PPP2R1A: variants seen among roughly 807,000 people sequenced by gnomAD.
PPP2R1A encodes serine/threonine-protein phosphatase 2A 65 kDa regulatory subunit A alpha isoform.
In PPP2R1A, 15 loss-of-function variants were observed where a neutral mutation model predicts 67.1. The observed-to-expected ratio is 0.22, with a 90% CI of 0.15 to 0.34. PPP2R1A has a LOEUF of 0.34. PPP2R1A is among the 10% of genes least tolerant of loss of function. The pLI is 1.00. For missense variants in PPP2R1A, 369 were observed against 775.0 expected, an observed-to-expected ratio of 0.48 and a Z score of 6.22; for synonymous variants, 337 against 325.0, an observed-to-expected ratio of 1.04 and a Z score of -0.40.
In PPP2R1A at chr19:52,226,926, CT is replaced by C. The variant is rs1979301117; in HGVS notation, c.*946del. 6.6e-6 allele frequency: 1 copy of C among 152,188 alleles called. No homozygotes were observed. The highest frequency in any genetic ancestry group is 6.5e-5 in the Admixed American group (1 of 15,284). 9.4% of individuals were successfully genotyped at this position (152,188 alleles called of 1,614,324 possible). ...TAGCTGTACATTGCCAGAGAACCCC[CT>C]GTGGGCCATTTCCTGTGTTCTTGAA... On this transcript the variant is annotated 3_prime_UTR_variant, in exon 15 of 15. Transcript: ENST00000322088.
intron 3 of PPP2R1A, among the ~76,000 whole-genome samples, chr19:52,209,728 T>G (rs751515913): frequency 2.6e-5 from 4 of 152,186 alleles, no homozygotes; most frequent in Non-Finnish European, 5.9e-5. Context: ...CTGTTCTAGA[T>G]TCCTCATATA....
Position 52,219,834 on chromosome 19 carries a change from T to A in PPP2R1A, c.1272T>A (p.Ile424=), listed in dbSNP as rs1200174357. ...AGTGGCGGGTGCGGCTGGCCATCAT[T>A]GAGTACATGCCCCTCCTGGCTGGAC... ...DAKWRVRLAI[I]EYMPLLAGQL... Residue 424 remains isoleucine (I), a synonymous_variant, in exon 10 of 15, where the codon ATT becomes ATA. Coordinates refer to ENST00000322088, the MANE Select transcript of PPP2R1A (RefSeq NM_014225.6). The surrounding 1 kb of genome is among the most constrained non-coding windows in gnomAD (Gnocchi z 4.0). 6.2e-7 allele frequency: 1 copy of A among 1,612,514 alleles called. No homozygotes were observed. Among genetic ancestry groups the A allele is most frequent in the Admixed American group, 1.7e-5 (1 of 60,004 alleles).
chr19:52,210,696 A>G (rs1166784343), intron 3 of PPP2R1A, among the ~76,000 whole-genome samples: 1 of 151,728 alleles, frequency 6.6e-6, no homozygotes, highest in Non-Finnish European at 1.5e-5. Context: ...GTTTCACCAT[A>G]TTGGCCAGGC....
intron 1 of PPP2R1A, among the ~76,000 whole-genome samples, chr19:52,196,208 A>G (rs1488658994): frequency 6.6e-6 from 1 of 152,230 alleles, no homozygotes; most frequent in African/African-American, 2.4e-5. Context: ...TTCTCAGGAT[A>G]TGACATGATC....
rs577207636 is a variant in PPP2R1A, at chr19:52,223,226, G to A, written c.1661+985G>A. Among the ~76,000 whole-genome samples the A allele has an allele frequency of 6.8e-4, 104 of 152,274 alleles. 1 individual carries two copies. The highest frequency in any genetic ancestry group is 1.0e-3 in the South Asian group (5 of 4,828). ...ATTTGATATCCATTTAGGAATAAAAGAAGGCTCGCCTCAATGCATAAACAA... is the reference window on the plus strand; with the variant it reads ...ATTTGATATCCATTTAGGAATAAAAAAAGGCTCGCCTCAATGCATAAACAA... On this transcript the variant is annotated intron_variant, in intron 13 of 14. Coordinates refer to ENST00000322088, the MANE Select transcript of PPP2R1A (RefSeq NM_014225.6).
chr19:52,209,735 T>TA (rs2089646321), intron 3 of PPP2R1A, among the ~76,000 whole-genome samples: 1 of 152,214 alleles, frequency 6.6e-6, no homozygotes, highest in East Asian at 1.9e-4. Flanking sequence ...AGATTCCTCA[T>TA]ATAAGTGGAA....
chr19:52,196,382 A>G (rs2089497092), intron 1 of PPP2R1A, among the ~76,000 whole-genome samples: 2 of 152,236 alleles, frequency 1.3e-5, no homozygotes, highest in South Asian at 4.1e-4. Context: ...GCTCAAAGAT[A>G]TCACAGAAAT....
rs532494367 is a variant in PPP2R1A at position 52,211,905 on chromosome 19, A to G, written c.503+413A>G. ...TCAGTTTTCAGCCTCCTGCTCGTCT[A>G]CTTTGCAAACGATTGACCGTCAAGC... On this transcript the variant is annotated intron_variant, in intron 4 of 14. Transcript: ENST00000322088. This position sits in a 1 kb window ranked among gnomAD's most constrained non-coding sequence, Gnocchi z 5.3. Among the ~76,000 whole-genome samples the G allele has an allele frequency of 1.3e-5, 2 of 152,256 alleles. No individual in the cohort carries two copies. The highest frequency in any genetic ancestry group is 2.1e-4 in the South Asian group (1 of 4,824).
chr19:52,202,230 G>T (rs1212602414), intron 2 of PPP2R1A, among the ~76,000 whole-genome samples, 196 bp downstream of exon 2: 1 of 152,220 alleles, frequency 6.6e-6, no homozygotes, highest in Non-Finnish European at 1.5e-5. Context: ...GAGACAGATG[G>T]TGAAAGGGAT....
At chr19:52,225,876 G>A (rs1979228001) in intron 14 of PPP2R1A, 68 bp downstream of exon 14, 13 of 1,612,046 alleles carry the variant, frequency 8.1e-6, no homozygotes, top group Non-Finnish European at 9.3e-6. Flanking sequence ...GGGCCTGTGG[G>A]CAGCAGCTTC....
At position 52,212,398 on chromosome 19, in the gene PPP2R1A, A is replaced by AT; in HGVS notation, c.504-283dup. 1 of 411,244 alleles carries AT rather than the reference A, an allele frequency of 2.4e-6. No individual in the cohort carries two copies. The highest frequency in any genetic ancestry group is 4.4e-6 in the Non-Finnish European group (1 of 226,926). 25.5% of individuals were successfully genotyped at this position (411,244 alleles called of 1,614,324 possible). ...CTGTGCCTGGCTCGTTGGTTAAGCA[A>AT]TTTTTATGGGAATGATGTAATCGTC... On this transcript the variant is annotated intron_variant, in intron 4 of 14. Transcript: ENST00000322088. The surrounding 1 kb of genome is among the most constrained non-coding windows in gnomAD (Gnocchi z 4.1).
chr19:52,193,608 CAG>C (rs1205430076), intron 1 of PPP2R1A, among the ~76,000 whole-genome samples: 3 of 152,010 alleles, frequency 2.0e-5, no homozygotes, highest in East Asian at 3.9e-4. Context: ...TTTTTTGAGA[CAG>C]AGTCTCACTC....
Position 52,213,502 on chromosome 19 carries a change from C to T in PPP2R1A, c.807+392C>T, listed in dbSNP as rs1283088688. On this transcript the variant is annotated intron_variant, in intron 6 of 14. Coordinates refer to ENST00000322088, the MANE Select transcript of PPP2R1A (RefSeq NM_014225.6). The surrounding 1 kb of genome is among the most constrained non-coding windows in gnomAD (Gnocchi z 4.2). ...TTTTTTTTTTTAAGATGGAGTCTGT[C>T]GCCCAGGCTAGAGTCTTGTTACCCA... Among the ~76,000 whole-genome samples, 13 of 117,502 alleles carry T rather than the reference C, an allele frequency of 1.1e-4. No homozygotes were observed. The highest frequency in any genetic ancestry group is 3.3e-4 in the African/African-American group (10 of 29,868). 77.1% of individuals were successfully genotyped at this position (117,502 alleles called of 152,430 possible).
chr19:52,195,340 T>C (rs528849295), intron 1 of PPP2R1A, among the ~76,000 whole-genome samples: 2 of 152,156 alleles, frequency 1.3e-5, no homozygotes, highest in African/African-American at 4.8e-5. Flanking sequence ...ATTCCTATTC[T>C]CTCACTTAAC....
At position 52,212,676 on chromosome 19, in the gene PPP2R1A, C is replaced by T. The variant is rs200753254; in HGVS notation, c.504-10C>T. 952 of 1,611,802 alleles carry T rather than the reference C, an allele frequency of 5.9e-4. No individual in the cohort carries two copies. The highest frequency in any genetic ancestry group is 7.4e-4 in the Non-Finnish European group (870 of 1,179,996). On this transcript the variant is annotated splice_polypyrimidine_tract_variant and intron_variant, in intron 4 of 14. Transcript: ENST00000322088. The surrounding 1 kb of genome is among the most constrained non-coding windows in gnomAD (Gnocchi z 4.1). ...CCTGCTGCCTCAGGATCCCCGTCCC[C>T]GACTCCCAGGTACTTCCGGAACCTG...
chr19:52,193,154 A>T (rs1339390202), intron 1 of PPP2R1A, among the ~76,000 whole-genome samples: 7 of 152,254 alleles, frequency 4.6e-5, no homozygotes, highest in African/African-American at 1.7e-4. Context: ...CCAGATGAGG[A>T]AACTGAAGCA....
chr19:52,191,495 A>G (rs1367552723), intron 1 of PPP2R1A: 2 of 152,130 alleles, frequency 1.3e-5, no homozygotes, highest in Non-Finnish European at 2.9e-5. Context: ...CTGTTTTCCC[A>G]TTTATAAAAT....
rs138164288 is a variant in PPP2R1A, at chr19:52,216,295, C to T, written c.993+221C>T. Among the ~76,000 whole-genome samples the T allele has an allele frequency of 1.3e-5, 2 of 152,210 alleles. No homozygotes were observed. The highest frequency in any genetic ancestry group is 4.8e-5 in the African/African-American group (2 of 41,522). ...AACCTCAGATGTCACTGAGTCCTGT[C>T]ATTCACAGGGTTTTGGGGTTGGAGT... On this transcript the variant is annotated intron_variant, in intron 8 of 14. Transcript: ENST00000322088. The surrounding 1 kb of genome is among the most constrained non-coding windows in gnomAD (Gnocchi z 4.3).
In PPP2R1A at chr19:52,221,146, C is replaced by G; in HGVS notation, c.1518+13C>G. ...CTTCTGCATCAATGTGAGCCTTCCA[C>G]CTGCCTGCTGGCCCATCCCTAGGGA... On this transcript the variant is annotated intron_variant, in intron 12 of 14. Coordinates refer to ENST00000322088, the MANE Select transcript of PPP2R1A (RefSeq NM_014225.6). 3.1e-6 allele frequency: 5 copies of G among 1,614,084 alleles called. No individual in the cohort carries two copies. The highest frequency in any genetic ancestry group is 4.2e-6 in the Non-Finnish European group (5 of 1,179,954).
Sources: gnomAD v4.1 joint callset for allele counts (sites outside exome capture counted in the v4.1 genomes callset) on GRCh38, gnomAD v4.1.1 for gene constraint, Gnocchi (gnomAD v3.1) non-coding constraint, MANE v1.5 for transcripts, NCBI Gene and HGNC (gene_info 2026-07-23, HGNC 2026-07-21) for gene names.